The following ESRRG variants were observed in gnomAD, a reference collection of about 807,000 sequenced individuals.
ESRRG encodes the protein estrogen related receptor gamma.
ESRRG carries 13 observed loss-of-function variants against 44.0 expected under a neutral mutation model. The observed-to-expected ratio is 0.30, with a 90% CI of 0.19 to 0.47. The LOEUF (loss-of-function observed/expected upper bound fraction) is 0.47. Among genes scored for constraint, ESRRG ranks in the 20% least tolerant of loss-of-function variants. ESRRG has a pLI of 1.00. For missense variants in ESRRG, 395 were observed against 580.6 expected (o/e 0.68, Z 3.29); for synonymous variants, 215 against 214.6 (o/e 1.00, Z -0.02).
intron 2 of ESRRG, among the ~76,000 whole-genome samples, chr1:216,731,161 AAAAACGGTTCT>A (rs2088687580): frequency 6.6e-6 from 1 of 152,232 alleles, no homozygotes; most frequent in Non-Finnish European, 1.5e-5. Context: ...TTAAGTGTTC[AAAAACGGTTCT>A]TGTATGCAAC....
At chr1:217,060,878 C>A (rs2088284620) in intron 1 of ESRRG, among the ~76,000 whole-genome samples, 1 of 151,750 alleles carries the variant, frequency 6.6e-6, no homozygotes, top group South Asian at 2.1e-4. Context: ...CCTGAAAGCT[C>A]AAAACAAATG....
chr1:216,842,056 G>C (rs1435641793), intron 2 of ESRRG, among the ~76,000 whole-genome samples: 2 of 152,060 alleles, frequency 1.3e-5, no homozygotes, highest in African/African-American at 2.4e-5. Flanking sequence ...TTGTCAGATT[G>C]GTAAAAGTAA....
intron 3 of ESRRG, among the ~76,000 whole-genome samples, chr1:216,571,216 G>A (rs2060722969): frequency 6.6e-6 from 1 of 152,186 alleles, no homozygotes; most frequent in African/African-American, 2.4e-5. Context: ...GCTGAGGTGG[G>A]TGGATCACCC....
intron 2 of ESRRG, among the ~76,000 whole-genome samples, chr1:216,763,261 ATGT>A (rs5780919): frequency 0.02 from 3,023 of 152,012 alleles, 52 homozygotes; most frequent in Non-Finnish European, 0.031. Flanking sequence ...AGGCCATAAC[ATGT>A]TGTTGTTGGC....
intron 5 of ESRRG, among the ~76,000 whole-genome samples, chr1:216,537,289 G>C (rs1257199016): frequency 6.6e-6 from 1 of 151,934 alleles, no homozygotes; most frequent in Non-Finnish European, 1.5e-5. Context: ...ACAGAAAGGG[G>C]ACCCTCACCA....
chr1:217,077,188 C>T (rs2091381021), intron 1 of ESRRG, among the ~76,000 whole-genome samples: 1 of 152,168 alleles, frequency 6.6e-6, no homozygotes, highest in Non-Finnish European at 1.5e-5. Context: ...TTTACATTCA[C>T]TAGTTAAATG....
chr1:217,100,803 AC>A (rs2092499435), intron 1 of ESRRG, among the ~76,000 whole-genome samples: 1 of 152,126 alleles, frequency 6.6e-6, no homozygotes. Flanking sequence ...GTGAGAACTT[AC>A]TTATTACCCC....
intron 2 of ESRRG, chr1:216,865,077 G>A (rs1209400869): frequency 6.6e-6 from 1 of 150,774 alleles, no homozygotes; most frequent in African/African-American, 2.4e-5. Context: ...CCCTTTCTCA[G>A]TGGATCTGCA....
At chr1:216,807,331 CTCTGG>C in intron 2 of ESRRG, among the ~76,000 whole-genome samples, 1 of 152,094 alleles carries the variant, frequency 6.6e-6, no homozygotes, top group Non-Finnish European at 1.5e-5. Context: ...TTCAATTTTT[CTCTGG>C]ATGTGGTTCA....
chr1:217,008,322 T>A (rs1275224150), intron 1 of ESRRG, among the ~76,000 whole-genome samples: 5 of 152,234 alleles, frequency 3.3e-5, no homozygotes, highest in African/African-American at 1.2e-4. Context: ...TGATTGCAAA[T>A]GCAGAGCTTT....
At chr1:216,570,624 G>A (rs1343654375) in intron 3 of ESRRG, among the ~76,000 whole-genome samples, 1 of 152,048 alleles carries the variant, frequency 6.6e-6, no homozygotes, top group Non-Finnish European at 1.5e-5. Flanking sequence ...AAAATCAAAA[G>A]CATATGACAC....
At chr1:217,081,098 A>G (rs1458365726) in intron 1 of ESRRG, among the ~76,000 whole-genome samples, 4 of 152,134 alleles carry the variant, frequency 2.6e-5, no homozygotes, top group African/African-American at 9.7e-5. Context: ...TATAATCTGT[A>G]CAACAGCTCA....
At chr1:216,792,982 C>T (rs2094366751) in intron 2 of ESRRG, among the ~76,000 whole-genome samples, 1 of 152,114 alleles carries the variant, frequency 6.6e-6, no homozygotes. Context: ...TTTGTAAAAT[C>T]AGAATCATGC....
chr1:216,801,075 T>C (rs935106744), intron 2 of ESRRG, among the ~76,000 whole-genome samples: 1 of 152,160 alleles, frequency 6.6e-6, no homozygotes, highest in Admixed American at 6.6e-5. Context: ...AATTAACATA[T>C]CCCTCATCTC....
chr1:216,596,781 A>G (rs1371365263), intron 3 of ESRRG, among the ~76,000 whole-genome samples: 1 of 152,220 alleles, frequency 6.6e-6, no homozygotes, highest in African/African-American at 2.4e-5. Context: ...TTTTGCAATC[A>G]GTGGCATATG....
intron 2 of ESRRG, among the ~76,000 whole-genome samples, chr1:216,669,131 A>G (rs1345937837): frequency 6.6e-6 from 1 of 152,108 alleles, no homozygotes; most frequent in Non-Finnish European, 1.5e-5. Context: ...AGAGTATGGA[A>G]CAGAGAAGGC....
At chr1:216,790,168 C>A (rs1236182486) in intron 2 of ESRRG, among the ~76,000 whole-genome samples, 1 of 152,124 alleles carries the variant, frequency 6.6e-6, no homozygotes, top group Non-Finnish European at 1.5e-5. Flanking sequence ...TGCCTGACAA[C>A]CTGCCATAGT....
At chr1:216,862,886 T>A (rs1339162248) in intron 2 of ESRRG, 2 of 152,204 alleles carry the variant, frequency 1.3e-5, no homozygotes, top group Non-Finnish European at 2.9e-5. Context: ...TATACTGTAA[T>A]GTGCAGTTTA....
intron 3 of ESRRG, among the ~76,000 whole-genome samples, chr1:216,568,884 G>A (rs2060162666): frequency 6.6e-6 from 1 of 151,900 alleles, no homozygotes; most frequent in Non-Finnish European, 1.5e-5. Context: ...AAGAAACCCT[G>A]TCTCTACTAA....
Sources: gnomAD v4.1 joint callset for allele counts (sites outside exome capture counted in the v4.1 genomes callset) on GRCh38, gnomAD v4.1.1 for gene constraint, MANE v1.5 for transcripts, NCBI Gene and HGNC (gene_info 2026-07-23, HGNC 2026-07-21) for gene names.